Variants in SNTG1 observed in about 807,000 individuals in gnomAD.
The protein encoded by SNTG1 is syntrophin gamma 1.
In SNTG1, 39 loss-of-function variants were observed where a neutral mutation model predicts 74.7. The ratio of observed to expected loss-of-function variants is 0.52; its 90% CI spans 0.40 to 0.68. The LOEUF is 0.68. SNTG1 is among the 30% of genes least tolerant of loss of function. The pLI, the probability that SNTG1 is intolerant of heterozygous loss-of-function variation, is 0.00. For missense variants in SNTG1, 685 were observed against 609.5 expected (o/e 1.12, Z -1.30); for synonymous variants, 254 against 217.1 (o/e 1.17, Z -1.49).
chr8:50,358,480 A>G (rs2091877759), intron 2 of SNTG1, among the ~76,000 whole-genome samples: 1 of 152,154 alleles, frequency 6.6e-6, no homozygotes, highest in Non-Finnish European at 1.5e-5. Context: ...ATAAAGTGGG[A>G]TGGATGGCCT....
At chr8:50,107,477 C>CT (rs1394545647) in intron 1 of SNTG1, among the ~76,000 whole-genome samples, 2 of 152,038 alleles carry the variant, frequency 1.3e-5, no homozygotes, top group Non-Finnish European at 2.9e-5. Context: ...ATTGCTTTCA[C>CT]TTTTTTTAAA....
chr8:50,771,390 T>G (rs865988385), intron 18 of SNTG1, among the ~76,000 whole-genome samples: 12 of 151,788 alleles, frequency 7.9e-5, no homozygotes, highest in African/African-American at 2.4e-4. Context: ...AACTTAAGAG[T>G]GATTAATATT....
chr8:49,977,606 C>T (rs762113102), intron 1 of SNTG1, among the ~76,000 whole-genome samples: 3 of 152,152 alleles, frequency 2.0e-5, no homozygotes, highest in Non-Finnish European at 4.4e-5. Context: ...AGGCATGTGG[C>T]CTGGGCAAGG....
At chr8:50,192,332 T>A (rs1261755912) in intron 2 of SNTG1, among the ~76,000 whole-genome samples, 2 of 152,136 alleles carry the variant, frequency 1.3e-5, no homozygotes, top group Non-Finnish European at 2.9e-5. Flanking sequence ...TGGTCCTTAG[T>A]TTTTTCATCT....
At chr8:50,304,187 G>A (rs549528154) in intron 2 of SNTG1, among the ~76,000 whole-genome samples, 13 of 152,166 alleles carry the variant, frequency 8.5e-5, no homozygotes, top group South Asian at 2.1e-4. Context: ...TGTGAGTTCC[G>A]GAGAAGAGAA....
intron 1 of SNTG1, among the ~76,000 whole-genome samples, chr8:49,996,141 T>G (rs1305282275): frequency 1.3e-5 from 2 of 152,146 alleles, no homozygotes; most frequent in Admixed American, 1.3e-4. Flanking sequence ...TTTAGAAAAC[T>G]TTCTTCATCC....
intron 1 of SNTG1, among the ~76,000 whole-genome samples, chr8:49,941,284 C>T (rs532943224): frequency 9.5e-4 from 144 of 152,076 alleles, no homozygotes; most frequent in Middle Eastern, 3.4e-3. Context: ...TGAACAGCTC[C>T]CTTCTAGAAG....
At chr8:50,411,159 A>T (rs1472363403) in intron 4 of SNTG1, among the ~76,000 whole-genome samples, 2 of 152,052 alleles carry the variant, frequency 1.3e-5, no homozygotes, top group South Asian at 2.1e-4. Flanking sequence ...TAAGACTAAG[A>T]AAAGGAAGGC....
At chr8:50,521,273 TG>T (rs967122510) in intron 9 of SNTG1, among the ~76,000 whole-genome samples, 1 of 151,924 alleles carries the variant, frequency 6.6e-6, no homozygotes, top group African/African-American at 2.4e-5. Flanking sequence ...TGATGGGGGC[TG>T]GGGGTCTAGG....
chr8:49,924,162 C>G (rs1470158311), intron 1 of SNTG1, among the ~76,000 whole-genome samples: 7 of 152,064 alleles, frequency 4.6e-5, no homozygotes, highest in African/African-American at 1.7e-4. Flanking sequence ...AAGCTGAAAA[C>G]TCTTAAATTT....
At chr8:50,273,652 G>A (rs1004101002) in intron 2 of SNTG1, among the ~76,000 whole-genome samples, 71 of 152,112 alleles carry the variant, frequency 4.7e-4, no homozygotes, top group African/African-American at 1.4e-3. Flanking sequence ...ATCAGTGTAG[G>A]CCTCCTGGGG....
intron 2 of SNTG1, among the ~76,000 whole-genome samples, chr8:50,229,672 C>T (rs1275282126): frequency 1.3e-5 from 2 of 150,434 alleles, no homozygotes; most frequent in African/African-American, 4.9e-5. Context: ...TTTTAAGTAA[C>T]ATTGATTAAG....
At chr8:49,966,702 G>A (rs1288664361) in intron 1 of SNTG1, among the ~76,000 whole-genome samples, 1 of 151,932 alleles carries the variant, frequency 6.6e-6, no homozygotes, top group Non-Finnish European at 1.5e-5. Context: ...GCCTATTCCA[G>A]TCTTTTTGAC....
At chr8:50,567,188 T>A (rs1364065502) in intron 12 of SNTG1, among the ~76,000 whole-genome samples, 1 of 152,088 alleles carries the variant, frequency 6.6e-6, no homozygotes, top group Non-Finnish European at 1.5e-5. Flanking sequence ...AAGTGATACA[T>A]CTGTACTGCA....
chr8:50,323,083 G>A (rs1211287266), intron 2 of SNTG1, among the ~76,000 whole-genome samples: 2 of 146,026 alleles, frequency 1.4e-5, no homozygotes, highest in Non-Finnish European at 1.5e-5. Context: ...ACTCCAGCCT[G>A]GGCAACAGAG....
At chr8:50,760,328 C>G (rs754965493) in intron 18 of SNTG1, among the ~76,000 whole-genome samples, 1 of 151,836 alleles carries the variant, frequency 6.6e-6, no homozygotes, top group Non-Finnish European at 1.5e-5. Flanking sequence ...ATTTGAATAC[C>G]CTTTATTTCT....
intron 4 of SNTG1, among the ~76,000 whole-genome samples, chr8:50,435,172 C>T (rs887730597): frequency 1.3e-5 from 2 of 151,950 alleles, no homozygotes; most frequent in African/African-American, 4.8e-5. Flanking sequence ...AAGTGTGCAG[C>T]AAGTCTTTAT....
chr8:50,451,419 G>A (rs1209951563), intron 8 of SNTG1, among the ~76,000 whole-genome samples: 1 of 152,048 alleles, frequency 6.6e-6, no homozygotes, highest in African/African-American at 2.4e-5. Context: ...AGGAACAAAT[G>A]GAAGGGCATA....
intron 15 of SNTG1, among the ~76,000 whole-genome samples, chr8:50,659,162 GA>G (rs2095203264): frequency 6.6e-6 from 1 of 152,260 alleles, no homozygotes; most frequent in Admixed American, 6.5e-5. Flanking sequence ...ATATGTAAAA[GA>G]ACATTCGATT....
Sources: allele counts gnomAD v4.1 joint callset (sites outside exome capture counted in the v4.1 genomes callset), GRCh38; gene constraint gnomAD v4.1.1; transcripts MANE v1.5; gene names NCBI Gene and HGNC (gene_info 2026-07-23, HGNC 2026-07-21).